Variants in C6orf89 observed in about 807,000 individuals in gnomAD.
C6orf89 encodes bombesin receptor-activated protein C6orf89.
In C6orf89, 29 loss-of-function variants were observed where a neutral mutation model predicts 40.7. The observed-to-expected ratio is 0.71, with a 90% confidence interval of 0.53 to 0.97. The LOEUF (loss-of-function observed/expected upper bound fraction) is 0.97. Among genes scored for constraint, C6orf89 ranks in the 50% least tolerant of loss-of-function variants. C6orf89 has a pLI of 0.00. For missense variants in C6orf89, 392 were observed against 429.1 expected, an observed-to-expected ratio of 0.91 and a Z score of 0.76; for synonymous variants, 165 against 152.2, an observed-to-expected ratio of 1.08 and a Z score of -0.62.
intron 4 of C6orf89, among the ~76,000 whole-genome samples, 176 bp downstream of exon 4, chr6:36,902,610 A>G (rs1761766530): frequency 1.3e-5 from 2 of 152,242 alleles, no homozygotes; most frequent in African/African-American, 4.8e-5. Context: ...TCACAGATTA[A>G]GAAACCAAGG....
intron 1 of C6orf89, chr6:36,874,819 C>T (rs572559865): frequency 6.2e-7 from 1 of 1,601,854 alleles, no homozygotes; most frequent in East Asian, 2.2e-5. Flanking sequence ...CTACTTCCGG[C>T]GTCGATTAGC....
At chr6:36,887,110 CGTTTTTTT>C (rs1188188432) in intron 1 of C6orf89, among the ~76,000 whole-genome samples, 3 of 150,914 alleles carry the variant, frequency 2.0e-5, no homozygotes, top group African/African-American at 7.3e-5. Flanking sequence ...GCTACCTCTG[CGTTTTTTT>C]GTTTTTTTTT....
chr6:36,882,068 T>G (rs9380616), upstream of C6orf89, among the ~76,000 whole-genome samples: 66,774 of 151,908 alleles, frequency 0.44, 15,303 homozygotes, highest in East Asian at 0.66. Flanking sequence ...AAAAAATGGT[T>G]GAGGAAGGAA....
At chr6:36,897,147 AAAAAG>A (rs1561862568) in intron 2 of C6orf89, among the ~76,000 whole-genome samples, 3 of 148,842 alleles carry the variant, frequency 2.0e-5, no homozygotes, top group East Asian at 1.9e-4. Context: ...AAAAAAAAAA[AAAAAG>A]AAAAGAAAGA....
intron 1 of C6orf89, among the ~76,000 whole-genome samples, chr6:36,887,808 T>A (rs1050136066): frequency 1.3e-5 from 2 of 152,164 alleles, no homozygotes; most frequent in African/African-American, 4.8e-5. Flanking sequence ...AGCCTCGAAC[T>A]CCTGGGCTCA....
chr6:36,906,591 G>T (rs924009912), intron 4 of C6orf89, among the ~76,000 whole-genome samples: 1 of 152,172 alleles, frequency 6.6e-6, no homozygotes, highest in Non-Finnish European at 1.5e-5. Flanking sequence ...GACTTTCTCT[G>T]TGGTTTGGAG....
intron 7 of C6orf89, among the ~76,000 whole-genome samples, chr6:36,916,965 A>G (rs373073417): frequency 6.6e-6 from 1 of 152,188 alleles, no homozygotes; most frequent in Admixed American, 6.5e-5. Context: ...GTAATCCAGC[A>G]CTTGGGGAGG....
At chr6:36,915,384 C>CT (rs1762277996) in intron 6 of C6orf89, among the ~76,000 whole-genome samples, 1 of 152,150 alleles carries the variant, frequency 6.6e-6, no homozygotes, top group African/African-American at 2.4e-5. Flanking sequence ...CTGTGTCTCA[C>CT]TGGGGACACT....
chr6:36,907,166 G>C (rs1380816247), intron 4 of C6orf89, among the ~76,000 whole-genome samples: 2 of 152,154 alleles, frequency 1.3e-5, no homozygotes, highest in Non-Finnish European at 2.9e-5. Flanking sequence ...ACAAAGCAGT[G>C]AACAAAACAG....
chr6:36,925,008 A>G lies in C6orf89; in HGVS notation c.*1567A>G, dbSNP rs1328656997. 1 of 152,184 alleles carries G rather than the reference A, an allele frequency of 6.6e-6. No homozygotes were observed. Among genetic ancestry groups the G allele is most frequent in the South Asian group, 2.1e-4 (1 of 4,834 alleles). 9.4% of individuals were successfully genotyped at this position (152,184 alleles called of 1,614,324 possible). On this transcript the variant is annotated 3_prime_UTR_variant, in exon 9 of 9. Coordinates refer to ENST00000480824, the MANE Select transcript of C6orf89 (RefSeq NM_001286635.2). ...AGTTCACAGAGCTCAGGATAGAAAC[A>G]TCAGAGCCTCCTCCACGGGCTTCAG... is the stretch of plus-strand genomic sequence containing the variant.
At chr6:36,904,080 T>C (rs1298396716) in intron 4 of C6orf89, among the ~76,000 whole-genome samples, 1 of 152,062 alleles carries the variant, frequency 6.6e-6, no homozygotes, top group East Asian at 1.9e-4. Flanking sequence ...CCAGTCTCCT[T>C]TCCTGACTGT....
intron 4 of C6orf89, among the ~76,000 whole-genome samples, chr6:36,907,673 T>TAA (rs5875561): frequency 6.6e-6 from 1 of 152,030 alleles, no homozygotes; most frequent in Admixed American, 6.5e-5. Flanking sequence ...GTCATACCTT[T>TAA]AAAAAATGTT....
intron 2 of C6orf89, among the ~76,000 whole-genome samples, chr6:36,898,591 A>C (rs1311623520): frequency 6.6e-6 from 1 of 151,810 alleles, no homozygotes; most frequent in Non-Finnish European, 1.5e-5. Flanking sequence ...GGAACTATTT[A>C]ATTTCATTTT....
At position 36,926,583 on chromosome 6, in the gene C6orf89, A is replaced by T. The variant is rs1242823924; in HGVS notation, c.*3142A>T. ...AAAGAGAGAGAGAAAAGAAGAGGGG[A>T]GGGGAGGGAAAGGGAAGGGAGGGGA... On this transcript the variant is annotated 3_prime_UTR_variant, in exon 9 of 9. Coordinates refer to ENST00000480824, the MANE Select transcript of C6orf89 (RefSeq NM_001286635.2). 2.1e-5 allele frequency: 1 copy of T among 48,124 alleles called. No individual in the cohort carries two copies. Among genetic ancestry groups the T allele is most frequent in the Admixed American group, 2.6e-4 (1 of 3,806 alleles). 3.0% of individuals were successfully genotyped at this position (48,124 alleles called of 1,614,324 possible).
rs781003994 is a variant in C6orf89 at position 36,919,584 on chromosome 6, A to G, written c.832A>G (p.Lys278Glu). 6.2e-7 allele frequency: 1 copy of G among 1,613,350 alleles called. No homozygotes were observed. The highest frequency in any genetic ancestry group is 8.5e-7 in the Non-Finnish European group (1 of 1,179,474). ...TCCTCATTCTTTCCTCCAGATGCAT[A>G]AGATGCCTGACCTATTTATCATTGG... ...PEPVVGSKMH[K>E]MPDLFIIGSG... The change falls in exon 8 of 9, where the codon AAG becomes GAG. Residue 278 changes from lysine (K) to glutamate (E), a missense_variant. Coordinates refer to ENST00000480824, the MANE Select transcript of C6orf89 (RefSeq NM_001286635.2).
At chr6:36,889,832 C>T (rs1394051846) in intron 1 of C6orf89, among the ~76,000 whole-genome samples, 2 of 152,070 alleles carry the variant, frequency 1.3e-5, no homozygotes, top group Admixed American at 6.5e-5. Context: ...AGAATAACGT[C>T]GTTATTCTTA....
At chr6:36,906,527 T>G (rs1292864344) in intron 4 of C6orf89, among the ~76,000 whole-genome samples, 1 of 152,276 alleles carries the variant, frequency 6.6e-6, no homozygotes, top group Non-Finnish European at 1.5e-5. Flanking sequence ...TTTTTGATAA[T>G]AAATTTTCAC....
rs577166057 is a variant in C6orf89, at chr6:36,923,353, T to C, written c.956T>C (p.Val319Ala). 5.8e-5 allele frequency: 93 copies of C among 1,613,686 alleles called. 2 individuals are homozygous for C. In the South Asian group the frequency reaches 9.6e-4, roughly 17 times the overall value. ...MPIEPGDIGY[V>A]DTTHWKVYVI... ...CTTGCTATTTCCCCTCAAGGCTATG[T>C]CGACACCACCCACTGGAAGGTCTAC... The change falls in exon 9 of 9, where the codon GTC (valine) becomes GCC (alanine). Residue 319 changes from valine (V) to alanine (A), a missense_variant. Transcript: ENST00000480824.
Position 36,926,041 on chromosome 6 carries a change from T to C in C6orf89, c.*2600T>C, listed in dbSNP as rs904421976. Reference sequence around the variant, plus strand: ...GAGTTAGGTTCACTTTCATGTGGCCTCCCACTACAGAGATGCGTATGCCCA... The same window carrying C: ...GAGTTAGGTTCACTTTCATGTGGCCCCCCACTACAGAGATGCGTATGCCCA... On this transcript the variant is annotated 3_prime_UTR_variant, in exon 9 of 9. Coordinates refer to ENST00000480824, the MANE Select transcript of C6orf89 (RefSeq NM_001286635.2). 1.3e-5 allele frequency: 2 copies of C among 152,220 alleles called. No homozygotes were observed. Among genetic ancestry groups the C allele is most frequent in the African/African-American group, 4.8e-5 (2 of 41,454 alleles). The allele number at this position is 152,220 out of a possible 1,614,324, so 9.4% of individuals were successfully genotyped here.
Sources: gnomAD v4.1 joint callset for allele counts (sites outside exome capture counted in the v4.1 genomes callset) on GRCh38, gnomAD v4.1.1 for gene constraint, MANE v1.5 for transcripts, NCBI Gene and HGNC (gene_info 2026-07-23, HGNC 2026-07-21) for gene names.